The following TAGLN3 variants were observed in gnomAD, a reference collection of about 807,000 sequenced individuals.
The protein encoded by TAGLN3 is transgelin 3, also known as transgelin-3.
In TAGLN3, 12 loss-of-function variants were observed where a neutral mutation model predicts 25.4. The ratio of observed to expected loss-of-function variants is 0.47; its 90% CI spans 0.30 to 0.77. The LOEUF (loss-of-function observed/expected upper bound fraction) is 0.77. TAGLN3 is among the 30% of genes least tolerant of loss of function. The probability of loss-of-function intolerance (pLI) is 0.06; values close to 1 mark genes in which losing one functional copy is unlikely to be tolerated. For synonymous variants in TAGLN3, 96 were observed against 94.8 expected, an observed-to-expected ratio of 1.01 and a Z score of -0.08; for missense variants, 218 against 255.8, an observed-to-expected ratio of 0.85 and a Z score of 1.01.
intron 3 of TAGLN3, among the ~76,000 whole-genome samples, chr3:112,006,771 T>TTG (rs1231567210): frequency 6.6e-6 from 1 of 152,214 alleles, no homozygotes; most frequent in Non-Finnish European, 1.5e-5. Context: ...TTTATTTTCA[T>TTG]AGACATACAT....
intron 3 of TAGLN3, among the ~76,000 whole-genome samples, chr3:112,009,835 C>T (rs969185690): frequency 2.0e-5 from 3 of 151,932 alleles, no homozygotes; most frequent in African/African-American, 7.2e-5. Context: ...GTAATCACTT[C>T]CTTTTCCACT....
At chr3:112,008,035 C>T (rs879722345) in intron 3 of TAGLN3, among the ~76,000 whole-genome samples, 3 of 152,130 alleles carry the variant, frequency 2.0e-5, no homozygotes, top group Non-Finnish European at 4.4e-5. Context: ...CTATAACTCT[C>T]AAACTTGCCT....
rs374473509 is a variant in TAGLN3 at position 112,002,716 on chromosome 3, G to T, written c.355+1770G>T. On this transcript the variant is annotated intron_variant, in intron 3 of 4. Coordinates refer to ENST00000478951, the MANE Select transcript of TAGLN3 (RefSeq NM_001008272.2). ...AGCCAGGAGGTCTGTGGGAGGTGAG[G>T]ATTCTGAGAGCTTTCCTGTCTTCAT... Among the ~76,000 whole-genome samples, 25 of 152,190 alleles carry T rather than the reference G, an allele frequency of 1.6e-4. No homozygotes were observed. The South Asian group carries it at 5.0e-3, about 30-fold the overall frequency.
rs750022959 is a variant in TAGLN3, at chr3:111,999,563, C to A, written c.141C>A (p.Pro47=). 1.9e-6 allele frequency: 3 copies of A among 1,614,108 alleles called. No homozygotes were observed. Among genetic ancestry groups the A allele is most frequent in the Admixed American group, 1.7e-5 (1 of 60,026 alleles). ...QCAEDIEHPP[P]GRAHFQKWLM... Reference sequence around the variant, plus strand: ...CCGAGGACATAGAGCACCCGCCCCCCGGCAGGGCCCATTTTCAGAAATGGT... The same window carrying A: ...CCGAGGACATAGAGCACCCGCCCCCAGGCAGGGCCCATTTTCAGAAATGGT... The change falls in exon 2 of 5, where the codon CCC becomes CCA. Residue 47 remains proline (P), a synonymous_variant. Transcript: ENST00000478951.
intron 3 of TAGLN3, among the ~76,000 whole-genome samples, chr3:112,008,212 A>AT (rs1487863407): frequency 2.6e-5 from 4 of 152,210 alleles, no homozygotes; most frequent in South Asian, 4.1e-4. Flanking sequence ...GTGTATGGCC[A>AT]TTTTTTATAC....
intron 3 of TAGLN3, 45 bp downstream of exon 3, chr3:112,000,991 T>C (rs1458335886): frequency 6.4e-7 from 1 of 1,572,110 alleles, no homozygotes; most frequent in Non-Finnish European, 8.7e-7. Flanking sequence ...TCTTCTCTCC[T>C]TTGCCCCATC....
At chr3:112,011,894 C>G in intron 4 of TAGLN3, 29 bp downstream of exon 4, 1 of 1,602,056 alleles carries the variant, frequency 6.2e-7, no homozygotes, top group Non-Finnish European at 8.5e-7. Flanking sequence ...CCCCCTGGAC[C>G]ACAAGGCGAT....
chr3:111,999,205 G>C, intron 1 of TAGLN3, 91 bp downstream of exon 1: 4 of 520,116 alleles, frequency 7.7e-6, no homozygotes. Context: ...GTTTATTCTA[G>C]AGTTACTGGC....
At chr3:112,007,285 G>T (rs1305436205) in intron 3 of TAGLN3, among the ~76,000 whole-genome samples, 1 of 152,070 alleles carries the variant, frequency 6.6e-6, no homozygotes, top group Non-Finnish European at 1.5e-5. Flanking sequence ...TTTACATTAG[G>T]TTCACTCTTG....
chr3:111,999,568 G>A lies in TAGLN3; in HGVS notation c.146G>A (p.Arg49Lys), dbSNP rs1001342615. ...AEDIEHPPPG[R>K]AHFQKWLMDG... ...GACATAGAGCACCCGCCCCCCGGCA[G>A]GGCCCATTTTCAGAAATGGTTAATG... Residue 49 changes from arginine to lysine, a missense_variant, in exon 2 of 5, where the codon AGG becomes AAG. Coordinates refer to ENST00000478951, the MANE Select transcript of TAGLN3 (RefSeq NM_001008272.2). The A allele has an allele frequency of 1.9e-6, 3 of 1,614,030 alleles. No individual in the cohort carries two copies. Among genetic ancestry groups the A allele is most frequent in the South Asian group, 2.2e-5 (2 of 91,072 alleles).
At chr3:112,008,072 A>G (rs1237083469) in intron 3 of TAGLN3, among the ~76,000 whole-genome samples, 2 of 152,220 alleles carry the variant, frequency 1.3e-5, no homozygotes, top group Non-Finnish European at 2.9e-5. Context: ...CAGGAAGCTT[A>G]TTAAAAATAT....
At chr3:112,006,312 G>A (rs2072917317) in intron 3 of TAGLN3, among the ~76,000 whole-genome samples, 1 of 152,070 alleles carries the variant, frequency 6.6e-6, no homozygotes, top group Non-Finnish European at 1.5e-5. Context: ...GCTGGTCTGG[G>A]AACCCCACTG....
intron 3 of TAGLN3, among the ~76,000 whole-genome samples, chr3:112,005,970 A>T (rs568465171): frequency 1.3e-5 from 2 of 152,034 alleles, no homozygotes; most frequent in Admixed American, 6.6e-5. Flanking sequence ...TGAGTTAGCC[A>T]GGATGGTCTT....
At position 112,011,856 on chromosome 3, in the gene TAGLN3, G is replaced by C; in HGVS notation, c.449G>C (p.Trp150Ser). The stretch of plus-strand genomic sequence containing the variant: ...GGCTGCTATCGGGGAGAGCCATCCT[G>C]GTTTCACAGGTAAAAGCCTCTTCCT... ...DDGCYRGEPS[W>S]FHRKAQQNRR... is the part of the protein sequence containing the mutation. The change falls in exon 4 of 5, where the codon TGG becomes TCG. Residue 150 changes from tryptophan (W) to serine (S), a missense_variant. By Grantham distance (177) the Trp-to-Ser change is radical. Transcript: ENST00000478951. 1.2e-6 allele frequency: 2 copies of C among 1,613,638 alleles called. No homozygotes were observed. The highest frequency in any genetic ancestry group is 1.7e-6 in the Non-Finnish European group (2 of 1,179,756).
rs912825917 is a variant in TAGLN3 at position 112,013,868 on chromosome 3, A to C, written c.*317A>C. On this transcript the variant is annotated 3_prime_UTR_variant, in exon 5 of 5. Transcript: ENST00000478951. ...TCAACTTATAGAATGCACCTAATAAAGTAATTAGTCTTGTGTCTTACAGTG... is the reference window on the plus strand; with the variant it reads ...TCAACTTATAGAATGCACCTAATAACGTAATTAGTCTTGTGTCTTACAGTG... 5.3e-6 allele frequency: 2 copies of C among 374,486 alleles called. No individual in the cohort carries two copies. Among genetic ancestry groups the C allele is most frequent in the Non-Finnish European group, 1.0e-5 (2 of 196,908 alleles). 23.2% of individuals were successfully genotyped at this position (374,486 alleles called of 1,614,324 possible).
rs1489005084 is a variant in TAGLN3, at chr3:112,013,420, C to A, written c.469C>A (p.Gln157Lys). 2 of 1,612,086 alleles carry A rather than the reference C, an allele frequency of 1.2e-6. No individual in the cohort carries two copies. Among genetic ancestry groups the A allele is most frequent in the Admixed American group, 3.3e-5 (2 of 59,952 alleles). The stretch of plus-strand genomic sequence containing the variant: ...ACTTTCCTTGTCCAGGAAAGCCCAG[C>A]AGAATCGGAGAGGCTTTTCCGAGGA... ...EPSWFHRKAQ[Q>K]NRRGFSEEQL... Residue 157 changes from glutamine (Q) to lysine (K), a missense_variant, in exon 5 of 5, where the codon CAG (glutamine) becomes AAG (lysine). Coordinates refer to ENST00000478951, the MANE Select transcript of TAGLN3 (RefSeq NM_001008272.2).
At chr3:112,004,884 T>C (rs2072900581) in intron 3 of TAGLN3, among the ~76,000 whole-genome samples, 1 of 152,148 alleles carries the variant, frequency 6.6e-6, no homozygotes, top group Non-Finnish European at 1.5e-5. Context: ...TGAATGACCT[T>C]TGCCCTCTCT....
intron 4 of TAGLN3, among the ~76,000 whole-genome samples, chr3:112,012,684 T>TAC (rs1198248729): frequency 2.0e-5 from 3 of 152,112 alleles, no homozygotes; most frequent in Non-Finnish European, 2.9e-5. Context: ...TTCTGAGAGG[T>TAC]TGGCCATTTG....
chr3:112,007,567 A>G (rs1173294450), intron 3 of TAGLN3, among the ~76,000 whole-genome samples: 1 of 152,206 alleles, frequency 6.6e-6, no homozygotes, highest in African/African-American at 2.4e-5. Flanking sequence ...CCCTCCATCC[A>G]GAAAATTCCC....
Sources: allele counts gnomAD v4.1 joint callset (sites outside exome capture counted in the v4.1 genomes callset), GRCh38; gene constraint gnomAD v4.1.1; transcripts MANE v1.5; gene names NCBI Gene and HGNC (gene_info 2026-07-23, HGNC 2026-07-21).